The following ZNF407 variants were observed in gnomAD, a reference collection of about 807,000 sequenced individuals.
ZNF407 encodes the protein zinc finger protein 407.
ZNF407 carries 17 observed loss-of-function variants against 131.2 expected under a neutral mutation model. That is an observed-to-expected ratio of 0.13 (90% CI 0.09 to 0.19). ZNF407 has a LOEUF of 0.19. ZNF407 is among the 10% of genes least tolerant of loss of function. The probability of loss-of-function intolerance (pLI) is 1.00; values close to 1 mark genes in which losing one functional copy is unlikely to be tolerated. For missense variants in ZNF407, 2,681 were observed against 2,830.6 expected (o/e 0.95, Z 1.20); for synonymous variants, 1,156 against 1,062.0 (o/e 1.09, Z -1.72).
chr18:74,779,634 A>T (rs1969557971), intron 3 of ZNF407, among the ~76,000 whole-genome samples: 1 of 151,758 alleles, frequency 6.6e-6, no homozygotes, highest in South Asian at 2.1e-4. Context: ...CACTAGAGAC[A>T]CTCAGCACGT....
At chr18:74,602,805 A>C (rs891346065) in intron 1 of ZNF407, among the ~76,000 whole-genome samples, 3 of 152,104 alleles carry the variant, frequency 2.0e-5, no homozygotes, top group Admixed American at 6.5e-5. Context: ...AGCTCCTCTT[A>C]TGTCCAGTGT....
At chr18:74,896,251 T>G (rs1971451834) in intron 7 of ZNF407, among the ~76,000 whole-genome samples, 1 of 152,182 alleles carries the variant, frequency 6.6e-6, no homozygotes, top group South Asian at 2.1e-4. Context: ...AGAACAGACT[T>G]TAAATCAAAA....
At position 75,063,351 on chromosome 18, in the gene ZNF407, C is replaced by T. The variant is rs1166534163; in HGVS notation, c.5630C>T (p.Ala1877Val). ...TTCCAGGGCTACGACGGGGAGTTTG[C>T]CCTGGACCCCTCGGTGGAGGAGACG... Reference protein sequence around the residue: ...IIFQGYDGEFALDPSVEETAA... With the variant: ...IIFQGYDGEFVLDPSVEETAA... The change falls in exon 9 of 9, where the codon GCC becomes GTC. Residue 1877 changes from alanine (A) to valine (V), a missense_variant. By Grantham distance (64) the Ala-to-Val change is moderately conservative (BLOSUM62 0). This residue lies in a region of ZNF407 where 620 missense variants were observed against 583.1 expected (regional missense o/e 1.06). Coordinates refer to ENST00000299687, the MANE Select transcript of ZNF407 (RefSeq NM_017757.3). The surrounding 1 kb of genome is among the most constrained non-coding windows in gnomAD (Gnocchi z 6.6). 2 of 1,612,458 alleles carry T rather than the reference C, an allele frequency of 1.2e-6. No individual in the cohort carries two copies. The highest frequency in any genetic ancestry group is 1.7e-5 in the Admixed American group (1 of 59,930).
At chr18:74,889,652 T>A (rs1971358089) in intron 6 of ZNF407, among the ~76,000 whole-genome samples, 1 of 152,138 alleles carries the variant, frequency 6.6e-6, no homozygotes, top group Non-Finnish European at 1.5e-5. Flanking sequence ...TCCCTAGAAT[T>A]TAGATTCCTG....
chr18:74,740,437 C>T (rs1039168194), intron 3 of ZNF407, among the ~76,000 whole-genome samples: 2 of 152,110 alleles, frequency 1.3e-5, no homozygotes, highest in African/African-American at 4.8e-5. Flanking sequence ...GGTTAGGACC[C>T]GATATCTTTG....
In ZNF407 at chr18:74,750,136, C is replaced by T. The variant is rs536814352; in HGVS notation, c.4803-31292C>T. Among the ~76,000 whole-genome samples the T allele has an allele frequency of 3.9e-5, 6 of 152,272 alleles. No homozygotes were observed. The South Asian group carries it at 1.2e-3, about 32-fold the overall frequency. ...TTTTCTTCTCTTCCAGGAATATCAT[C>T]CTTCTCATGGAAATCCTAGTTATCT... On this transcript the variant is annotated intron_variant, in intron 3 of 8. Transcript: ENST00000299687.
chr18:74,755,581 GGTTTT>G (rs1349882631), intron 3 of ZNF407, among the ~76,000 whole-genome samples: 90 of 31,028 alleles, frequency 2.9e-3, no homozygotes, highest in Non-Finnish European at 3.0e-3. Context: ...CCTCCTTTCT[GGTTTT>G]TTTTTTTTTT....
chr18:74,818,341 C>T (rs1187569672), intron 4 of ZNF407, among the ~76,000 whole-genome samples: 1 of 152,154 alleles, frequency 6.6e-6, no homozygotes. Context: ...AGTTGTTCTT[C>T]TATTCTGGAC....
intron 8 of ZNF407, among the ~76,000 whole-genome samples, chr18:75,013,367 A>C (rs1174822358): frequency 2.0e-5 from 3 of 152,072 alleles, no homozygotes; most frequent in African/African-American, 7.2e-5. Flanking sequence ...TTTCCTTTGC[A>C]CTTTTAATGA....
chr18:74,663,233 G>T lies in ZNF407; in HGVS notation c.4802+22111G>T, dbSNP rs1286453705. Among the ~76,000 whole-genome samples, 12 of 152,232 alleles carry T rather than the reference G, an allele frequency of 7.9e-5. No homozygotes were observed. In the South Asian group the frequency reaches 1.2e-3, roughly 16 times the overall value. On this transcript the variant is annotated intron_variant, in intron 3 of 8. Coordinates refer to ENST00000299687, the MANE Select transcript of ZNF407 (RefSeq NM_017757.3). ...TTGGGAACGTCCATTTTAGATGCTTGTCCCCGGGTAGCTCTTATTTATGTG... is the reference window on the plus strand; with the variant it reads ...TTGGGAACGTCCATTTTAGATGCTTTTCCCCGGGTAGCTCTTATTTATGTG...
intron 8 of ZNF407, among the ~76,000 whole-genome samples, chr18:74,985,525 G>A (rs1487807224): frequency 6.6e-6 from 1 of 152,114 alleles, no homozygotes. Flanking sequence ...TATCCTTAGG[G>A]AAAGCAAACA....
chr18:74,790,362 C>T (rs1366348936), intron 4 of ZNF407, among the ~76,000 whole-genome samples: 1 of 152,206 alleles, frequency 6.6e-6, no homozygotes, highest in East Asian at 1.9e-4. Context: ...TCCAGTTGCC[C>T]TTGTGTGTAT....
chr18:74,669,301 G>A (rs1367049233), intron 3 of ZNF407, among the ~76,000 whole-genome samples: 1 of 152,202 alleles, frequency 6.6e-6, no homozygotes, highest in East Asian at 1.9e-4. Flanking sequence ...TTCCCATGGG[G>A]CCTTCCCTGC....
chr18:74,970,652 C>G (rs1390577018), intron 8 of ZNF407, among the ~76,000 whole-genome samples: 1 of 152,216 alleles, frequency 6.6e-6, no homozygotes, highest in Non-Finnish European at 1.5e-5. Flanking sequence ...AGCTCTGCCC[C>G]TGCCACTTTG....
At chr18:75,054,643 T>C (rs1020679207) in intron 8 of ZNF407, among the ~76,000 whole-genome samples, 1 of 152,260 alleles carries the variant, frequency 6.6e-6, no homozygotes, top group Non-Finnish European at 1.5e-5. Context: ...AGGCCTTGTC[T>C]CCTGATACTG....
At chr18:74,895,985 A>G (rs1971448931) in intron 7 of ZNF407, among the ~76,000 whole-genome samples, 2 of 152,206 alleles carry the variant, frequency 1.3e-5, no homozygotes, top group African/African-American at 2.4e-5. Flanking sequence ...AATACAGACA[A>G]TGAGAAAAAA....
At chr18:74,867,007 AAAG>A (rs1971021409) in intron 4 of ZNF407, among the ~76,000 whole-genome samples, 1 of 150,308 alleles carries the variant, frequency 6.7e-6, no homozygotes, top group African/African-American at 2.4e-5. Context: ...AAAAAAAAAA[AAAG>A]GAAGAAATTT....
chr18:74,878,287 G>C (rs913692475), intron 5 of ZNF407, among the ~76,000 whole-genome samples: 2 of 151,766 alleles, frequency 1.3e-5, no homozygotes, highest in Admixed American at 1.3e-4. Context: ...TTTTGTTTCA[G>C]GGAAAAAAAA....
chr18:74,903,984 G>A (rs963915978), intron 7 of ZNF407, among the ~76,000 whole-genome samples: 5 of 152,180 alleles, frequency 3.3e-5, no homozygotes, highest in Admixed American at 1.3e-4. Context: ...TTAAAGACTC[G>A]GAGAATCCCT....
Sources: gnomAD v4.1 joint callset for allele counts (sites outside exome capture counted in the v4.1 genomes callset) on GRCh38, gnomAD v4.1.1 for gene constraint, gnomAD v4.1.1 regional missense constraint, Gnocchi (gnomAD v3.1) non-coding constraint, MANE v1.5 for transcripts, NCBI Gene and HGNC (gene_info 2026-07-23, HGNC 2026-07-21) for gene names.